Variants in AGMO observed in about 807,000 individuals in gnomAD.
AGMO encodes the protein alkylglycerol monooxygenase, also known as glyceryl-ether monooxygenase.
In AGMO, 75 loss-of-function variants were observed where a neutral mutation model predicts 60.2. That is an observed-to-expected ratio of 1.25 (90% confidence interval 1.03 to 1.51). The LOEUF is 1.51. Among genes scored for constraint, AGMO ranks in the 40% most tolerant of loss-of-function variants. The pLI, the probability that AGMO is intolerant of heterozygous loss-of-function variation, is 0.00. For missense variants in AGMO, 763 were observed against 525.5 expected, an observed-to-expected ratio of 1.45 and a Z score of -4.42; for synonymous variants, 261 against 177.1, an observed-to-expected ratio of 1.47 and a Z score of -3.76.
intron 12 of AGMO, among the ~76,000 whole-genome samples, chr7:15,262,939 C>T (rs1783317359): frequency 6.6e-6 from 1 of 151,806 alleles, no homozygotes; most frequent in Non-Finnish European, 1.5e-5. Context: ...CAAGATGGAT[C>T]AAAGACTTAA....
intron 3 of AGMO, among the ~76,000 whole-genome samples, chr7:15,523,108 G>T (rs775831980): frequency 6.6e-6 from 1 of 152,174 alleles, no homozygotes; most frequent in African/African-American, 2.4e-5. Context: ...ATCATCACTG[G>T]TCATTAGAAA....
intron 12 of AGMO, among the ~76,000 whole-genome samples, chr7:15,340,439 A>G (rs1781806145): frequency 6.6e-6 from 1 of 152,114 alleles, no homozygotes; most frequent in African/African-American, 2.4e-5. Flanking sequence ...TACATAACAA[A>G]TTTTGGGCTT....
At chr7:15,259,342 C>T (rs1279666168) in intron 12 of AGMO, among the ~76,000 whole-genome samples, 1 of 151,584 alleles carries the variant, frequency 6.6e-6, no homozygotes, top group East Asian at 1.9e-4. Context: ...TGGATTAACC[C>T]AATCCATCAA....
intron 4 of AGMO, among the ~76,000 whole-genome samples, chr7:15,419,333 A>G (rs1232313372): frequency 6.6e-6 from 1 of 152,014 alleles, no homozygotes; most frequent in Admixed American, 6.6e-5. Flanking sequence ...AATAAGCATG[A>G]TCTGCTTGTT....
chr7:15,155,419 C>CTTTTTT, the AGMO span, among the ~76,000 whole-genome samples: 33 of 63,930 alleles, frequency 5.2e-4, 2 homozygotes, highest in Admixed American at 7.4e-4. Context: ...TACAGAATTT[C>CTTTTTT]TTTTTTTTTT....
At chr7:15,445,371 A>G (rs1173538230) in intron 3 of AGMO, among the ~76,000 whole-genome samples, 1 of 152,124 alleles carries the variant, frequency 6.6e-6, no homozygotes, top group African/African-American at 2.4e-5. Context: ...CTCAAAGGAT[A>G]TTTTCTTCTA....
chr7:15,428,385 T>G (rs1469649067), intron 4 of AGMO, among the ~76,000 whole-genome samples: 1 of 152,190 alleles, frequency 6.6e-6, no homozygotes, highest in African/African-American at 2.4e-5. Context: ...CAGCTTGTCA[T>G]GCATTCTCAA....
intron 12 of AGMO, among the ~76,000 whole-genome samples, chr7:15,345,760 A>C (rs1450200570): frequency 6.6e-6 from 1 of 152,182 alleles, no homozygotes; most frequent in South Asian, 2.1e-4. Flanking sequence ...AGAAAGCTTG[A>C]TAACTTACTT....
At chr7:15,452,723 T>C (rs7809558) in intron 3 of AGMO, among the ~76,000 whole-genome samples, 18,332 of 152,216 alleles carry the variant, frequency 0.12, 1,250 homozygotes, top group Non-Finnish European at 0.15. Flanking sequence ...GCAATTCTGC[T>C]TTTAGGTATA....
At chr7:15,259,461 T>C (rs977691991) in intron 12 of AGMO, among the ~76,000 whole-genome samples, 4 of 151,714 alleles carry the variant, frequency 2.6e-5, no homozygotes, top group African/African-American at 9.7e-5. Context: ...AGAAGAAAAA[T>C]CTAAAAGTTT....
the AGMO span, among the ~76,000 whole-genome samples, chr7:15,186,756 C>T: frequency 1.3e-4 from 20 of 152,038 alleles, no homozygotes; most frequent in African/African-American, 4.6e-4. Context: ...TAACCAGATC[C>T]CAGTTTTCTT....
At chr7:15,378,305 C>A (rs1025664375) in intron 10 of AGMO, among the ~76,000 whole-genome samples, 1 of 151,924 alleles carries the variant, frequency 6.6e-6, no homozygotes, top group Non-Finnish European at 1.5e-5. Flanking sequence ...TTTGAACACA[C>A]GCACAAAATA....
chr7:15,365,702 A>C (rs571564304), intron 11 of AGMO, 83 bp from the exon 12 acceptor site: 3 of 929,276 alleles, frequency 3.2e-6, no homozygotes, highest in South Asian at 3.4e-5. Flanking sequence ...TAAACTTCTC[A>C]TTCTCAAGAA....
intron 12 of AGMO, among the ~76,000 whole-genome samples, chr7:15,344,195 A>C (rs1781953868): frequency 6.6e-6 from 1 of 152,188 alleles, no homozygotes; most frequent in African/African-American, 2.4e-5. Context: ...CATAGAAGGC[A>C]CTCAACAATA....
intron 12 of AGMO, among the ~76,000 whole-genome samples, chr7:15,247,440 A>G (rs1439807533): frequency 5.0e-5 from 7 of 141,052 alleles, no homozygotes; most frequent in Non-Finnish European, 1.1e-4. Flanking sequence ...ACACACACAC[A>G]CACACACACA....
At chr7:15,380,377 G>C (rs75592858) in intron 10 of AGMO, among the ~76,000 whole-genome samples, 34 of 152,130 alleles carry the variant, frequency 2.2e-4, no homozygotes, top group African/African-American at 6.7e-4. Context: ...CAGTCAAACT[G>C]AGAGCAAAAT....
chr7:15,314,939 G>T (rs1467496313), intron 12 of AGMO, among the ~76,000 whole-genome samples: 4 of 152,286 alleles, frequency 2.6e-5, no homozygotes, highest in African/African-American at 9.6e-5. Context: ...GCACATCATT[G>T]CTGGCTCTAA....
At chr7:15,263,725 C>T (rs976395841) in intron 12 of AGMO, among the ~76,000 whole-genome samples, 2 of 152,046 alleles carry the variant, frequency 1.3e-5, no homozygotes, top group African/African-American at 4.8e-5. Context: ...TGGAACACTA[C>T]TCAGCCACGA....
chr7:15,388,941 TG>T (rs1228291564), intron 8 of AGMO, among the ~76,000 whole-genome samples: 5 of 152,224 alleles, frequency 3.3e-5, no homozygotes, highest in African/African-American at 1.2e-4. Flanking sequence ...CCTAGAGAAT[TG>T]AACCTAACAG....
Sources: gnomAD v4.1 joint callset for allele counts (sites outside exome capture counted in the v4.1 genomes callset) on GRCh38, gnomAD v4.1.1 for gene constraint, MANE v1.5 for transcripts, NCBI Gene and HGNC (gene_info 2026-07-23, HGNC 2026-07-21) for gene names.